RIPOR2: variants seen among roughly 807,000 people sequenced by gnomAD.
The protein encoded by RIPOR2 is rho family-interacting cell polarization regulator 2.
RIPOR2 carries 39 observed loss-of-function variants against 114.5 expected under a neutral mutation model. That is an observed-to-expected ratio of 0.34 (90% CI 0.26 to 0.44). RIPOR2 has a LOEUF of 0.44. Ranked by LOEUF, RIPOR2 falls within the 20% of genes least tolerant of loss-of-function variation. The probability of loss-of-function intolerance (pLI) is 1.00; values close to 1 mark genes in which losing one functional copy is unlikely to be tolerated. For missense variants in RIPOR2, 1,007 were observed against 1,255.1 expected (o/e 0.80, Z 2.99); for synonymous variants, 445 against 484.4 (o/e 0.92, Z 1.07).
chr6:25,003,156 C>T (rs932949825), intron 1 of RIPOR2, among the ~76,000 whole-genome samples: 24 of 152,164 alleles, frequency 1.6e-4, no homozygotes, highest in African/African-American at 5.5e-4. Flanking sequence ...ACTTCTCGAC[C>T]GTTCACATAG....
intron 1 of RIPOR2, among the ~76,000 whole-genome samples, chr6:24,988,292 T>C (rs9358816): frequency 0.51 from 76,789 of 152,014 alleles, 20,816 homozygotes; most frequent in East Asian, 0.79. Flanking sequence ...TTCAAGTGAT[T>C]CTCTTGCCTC....
chr6:24,885,546 C>T (rs1244320068), intron 1 of RIPOR2, among the ~76,000 whole-genome samples: 1 of 152,170 alleles, frequency 6.6e-6, no homozygotes, highest in East Asian at 1.9e-4. Flanking sequence ...ATTTCTTAAT[C>T]TTCCAAGGAA....
At chr6:24,983,012 AT>A (rs1774364691) in intron 1 of RIPOR2, among the ~76,000 whole-genome samples, 1 of 152,142 alleles carries the variant, frequency 6.6e-6, no homozygotes, top group African/African-American at 2.4e-5. Flanking sequence ...TTGGTAAACA[AT>A]TTAGGAACTA....
intron 1 of RIPOR2, among the ~76,000 whole-genome samples, chr6:24,962,783 C>A (rs1179371827): frequency 6.6e-6 from 1 of 152,096 alleles, no homozygotes; most frequent in Admixed American, 6.5e-5. Flanking sequence ...TTGTGAAAAT[C>A]TCTTTGAAGA....
chr6:24,951,921 C>T (rs1247762283), intron 1 of RIPOR2, among the ~76,000 whole-genome samples: 1 of 152,224 alleles, frequency 6.6e-6, no homozygotes, highest in Non-Finnish European at 1.5e-5. Context: ...CCCTGCTTAC[C>T]TTCCGCTGGA....
At chr6:24,899,391 A>C (rs1768195664) in intron 1 of RIPOR2, among the ~76,000 whole-genome samples, 1 of 152,232 alleles carries the variant, frequency 6.6e-6, no homozygotes, top group African/African-American at 2.4e-5. Context: ...ATTATATTCA[A>C]ATCTAGTCAG....
At chr6:24,961,618 A>G (rs1293569586) in intron 1 of RIPOR2, among the ~76,000 whole-genome samples, 1 of 137,234 alleles carries the variant, frequency 7.3e-6, no homozygotes, top group East Asian at 2.3e-4. Flanking sequence ...TTTGGGGTAC[A>G]GTTGTTATTC....
intron 1 of RIPOR2, among the ~76,000 whole-genome samples, chr6:24,959,761 A>T (rs1773219030): frequency 6.6e-6 from 1 of 152,138 alleles, no homozygotes; most frequent in African/African-American, 2.4e-5. Context: ...AACTGCCGGC[A>T]TGTCCTCTGT....
chr6:24,985,089 A>G (rs1774476899), intron 1 of RIPOR2, among the ~76,000 whole-genome samples: 2 of 152,260 alleles, frequency 1.3e-5, no homozygotes, highest in Admixed American at 1.3e-4. Flanking sequence ...GTGACTGGCA[A>G]TTGACTTTTT....
chr6:24,889,891 T>C (rs546721316), intron 1 of RIPOR2, among the ~76,000 whole-genome samples: 36 of 152,220 alleles, frequency 2.4e-4, no homozygotes, highest in African/African-American at 8.7e-4. Flanking sequence ...TTTTTTATTT[T>C]ATTTTATTTT....
chr6:25,041,354 C>T (rs968185247), intron 1 of RIPOR2, among the ~76,000 whole-genome samples: 6 of 152,234 alleles, frequency 3.9e-5, no homozygotes, highest in African/African-American at 1.4e-4. Context: ...TTCCTGTCTA[C>T]TCAGTTGTGA....
chr6:24,850,519 G>A, intron 10 of RIPOR2, 78 bp downstream of exon 10: 5 of 1,531,390 alleles, frequency 3.3e-6, no homozygotes, highest in Non-Finnish European at 4.5e-6. Context: ...AACAGGCAGG[G>A]GTCACGGGTA....
chr6:24,874,872 A>G (rs1039438980), intron 2 of RIPOR2, among the ~76,000 whole-genome samples: 10 of 152,226 alleles, frequency 6.6e-5, no homozygotes, highest in African/African-American at 2.4e-4. Flanking sequence ...CTGATTAGGT[A>G]TAACTTATAA....
At chr6:25,039,609 G>A (rs1224222604) in intron 1 of RIPOR2, among the ~76,000 whole-genome samples, 1 of 152,094 alleles carries the variant, frequency 6.6e-6, no homozygotes, top group African/African-American at 2.4e-5. Context: ...AGTAAAGCAG[G>A]CTTTTCTGAT....
chr6:24,859,394 C>A (rs550969448), intron 8 of RIPOR2, among the ~76,000 whole-genome samples: 55 of 152,208 alleles, frequency 3.6e-4, no homozygotes, highest in African/African-American at 1.3e-3. Context: ...TGATTCAGGG[C>A]AGTTATTTTC....
intron 19 of RIPOR2, among the ~76,000 whole-genome samples, chr6:24,819,790 T>C (rs753733544): frequency 2.0e-5 from 3 of 151,182 alleles, no homozygotes; most frequent in African/African-American, 4.9e-5. Flanking sequence ...CGTGAGCTAC[T>C]GCACCCGGCC....
intron 1 of RIPOR2, among the ~76,000 whole-genome samples, chr6:24,892,470 G>T (rs777527905): frequency 6.6e-6 from 1 of 152,110 alleles, no homozygotes; most frequent in Non-Finnish European, 1.5e-5. Context: ...CTGTTTGAAG[G>T]CCACTTTTTA....
At position 24,869,160 on chromosome 6, in the gene RIPOR2, G is replaced by A. The variant is rs1247123062; in HGVS notation, c.448-13C>T. ...TTGTTTTAATTTGCTGGAATTAAAA[G>A]AAGTTTGAAAAAGTACAGTCATTTA... On this transcript the variant is annotated splice_polypyrimidine_tract_variant and intron_variant, in intron 5 of 21. Transcript: ENST00000643898. 1.3e-6 allele frequency: 2 copies of A among 1,517,082 alleles called. No individual in the cohort carries two copies. The highest frequency in any genetic ancestry group is 1.4e-5 in the African/African-American group (1 of 72,438). The allele number at this position is 1,517,082 out of a possible 1,614,324, so 94.0% of individuals were successfully genotyped here. A position where few individuals can be genotyped will look rare whatever the true frequency, so the allele number is the denominator to read the frequency against.
At chr6:24,890,999 T>C (rs1424280575) in intron 1 of RIPOR2, among the ~76,000 whole-genome samples, 3 of 152,340 alleles carry the variant, frequency 2.0e-5, no homozygotes, top group Non-Finnish European at 2.9e-5. Context: ...CTGTGCTGTT[T>C]TGTATAAAGT....
Sources: gnomAD v4.1 joint callset for allele counts (sites outside exome capture counted in the v4.1 genomes callset) on GRCh38, gnomAD v4.1.1 for gene constraint, MANE v1.5 for transcripts, NCBI Gene and HGNC (gene_info 2026-07-23, HGNC 2026-07-21) for gene names.